Variants in GRIP1 observed in about 807,000 individuals in gnomAD.
GRIP1 encodes the protein glutamate receptor-interacting protein 1.
A neutral mutation model predicts 129.9 loss-of-function variants in GRIP1; 45 were observed. The observed-to-expected ratio is 0.35, with a 90% CI of 0.27 to 0.44. The LOEUF is 0.44. GRIP1 is among the 20% of genes least tolerant of loss of function. The pLI, the probability that GRIP1 is intolerant of heterozygous loss-of-function variation, is 1.00. For missense variants in GRIP1, 1,196 were observed against 1,396.8 expected (o/e 0.86, Z 2.29); for synonymous variants, 530 against 520.8 (o/e 1.02, Z -0.24).
chr12:67,041,777 A>T (rs1226602899), intron 1 of GRIP1, among the ~76,000 whole-genome samples: 1 of 152,080 alleles, frequency 6.6e-6, no homozygotes, highest in Non-Finnish European at 1.5e-5. Context: ...GGACAAAAAA[A>T]AAAACAACCC....
intron 1 of GRIP1, among the ~76,000 whole-genome samples, chr12:67,024,343 G>A (rs1484567035): frequency 6.6e-6 from 1 of 152,122 alleles, no homozygotes; most frequent in Non-Finnish European, 1.5e-5. Flanking sequence ...GATCTGCGGA[G>A]GGAGGACAGA....
rs2040468072 is a variant in GRIP1, at chr12:66,880,993, TG to T, written c.58+188056del. Among the ~76,000 whole-genome samples, 3 of 151,138 alleles carry T rather than the reference TG, an allele frequency of 2.0e-5. 1 individual carries two copies. The South Asian group carries it at 6.2e-4, about 31-fold the overall frequency. On this transcript the variant is annotated intron_variant, in intron 1 of 1. Transcript: ENST00000643019. ...TCAGGTAGAATTTCTGTTACTCTTC[TG>T]TTTTTTTTTTTTCCTCTCTTTCAAA...
At chr12:67,000,168 T>C (rs1041442675) in intron 1 of GRIP1, among the ~76,000 whole-genome samples, 2 of 152,154 alleles carry the variant, frequency 1.3e-5, no homozygotes, top group African/African-American at 4.8e-5. Flanking sequence ...CATCTCTTTC[T>C]CTTCTCAGGG....
chr12:66,887,487 G>A (rs1215366914), intron 1 of GRIP1, among the ~76,000 whole-genome samples: 1 of 152,180 alleles, frequency 6.6e-6, no homozygotes, highest in African/African-American at 2.4e-5. Context: ...GCCTATTAAT[G>A]TTAGTACTGT....
intron 1 of GRIP1, among the ~76,000 whole-genome samples, chr12:66,748,536 A>T (rs549924619): frequency 6.6e-6 from 1 of 152,200 alleles, no homozygotes; most frequent in Non-Finnish European, 1.5e-5. Context: ...GCATGTATCT[A>T]TCGTAAGTTC....
At chr12:66,940,688 G>T (rs966657703) in intron 1 of GRIP1, among the ~76,000 whole-genome samples, 3 of 152,120 alleles carry the variant, frequency 2.0e-5, no homozygotes, top group Non-Finnish European at 4.4e-5. Context: ...AATCATCAGG[G>T]TCATTACAGA....
intron 1 of GRIP1, among the ~76,000 whole-genome samples, chr12:66,818,904 C>A (rs1437964994): frequency 6.6e-6 from 1 of 152,062 alleles, no homozygotes; most frequent in Non-Finnish European, 1.5e-5. Flanking sequence ...TAGAGAAGAG[C>A]CTTGGTTTAC....
intron 2 of GRIP1, among the ~76,000 whole-genome samples, chr12:66,543,367 G>A (rs2061846941): frequency 1.3e-5 from 2 of 152,160 alleles, no homozygotes; most frequent in Admixed American, 6.5e-5. Context: ...AGGAGTCTGA[G>A]CGTGTATGAT....
chr12:66,973,648 G>T (rs1484973452), intron 1 of GRIP1, among the ~76,000 whole-genome samples: 3 of 151,954 alleles, frequency 2.0e-5, no homozygotes, highest in Non-Finnish European at 4.4e-5. Flanking sequence ...AGATAATTCT[G>T]TTACCTCAAA....
At chr12:66,361,908 C>T (rs1408177178) in intron 23 of GRIP1, among the ~76,000 whole-genome samples, 2 of 152,134 alleles carry the variant, frequency 1.3e-5, no homozygotes, top group Non-Finnish European at 2.9e-5. Context: ...CTCCACCCAC[C>T]CTCGGGGCCT....
chr12:66,927,277 A>G (rs1300677879), intron 1 of GRIP1, among the ~76,000 whole-genome samples: 1 of 152,128 alleles, frequency 6.6e-6, no homozygotes, highest in Non-Finnish European at 1.5e-5. Context: ...TCCAAGAAAT[A>G]TTACTTCAAT....
chr12:66,360,022 A>C (rs1367734696), intron 23 of GRIP1, among the ~76,000 whole-genome samples: 1 of 152,142 alleles, frequency 6.6e-6, no homozygotes, highest in Non-Finnish European at 1.5e-5. Flanking sequence ...TGATCTTACA[A>C]CACCTCTGGG....
At chr12:66,584,409 A>T (rs1260374411) in intron 2 of GRIP1, among the ~76,000 whole-genome samples, 4 of 141,758 alleles carry the variant, frequency 2.8e-5, no homozygotes, top group African/African-American at 1.2e-4. Flanking sequence ...AAGTATAATA[A>T]AAAAAAATAC....
chr12:66,458,612 C>T (rs948046498), intron 9 of GRIP1, among the ~76,000 whole-genome samples: 4 of 152,020 alleles, frequency 2.6e-5, no homozygotes, highest in African/African-American at 9.7e-5. Flanking sequence ...CTCAAACTCC[C>T]GACCTCAGGT....
intron 1 of GRIP1, among the ~76,000 whole-genome samples, chr12:66,816,106 C>T (rs1021830401): frequency 6.6e-6 from 1 of 152,040 alleles, no homozygotes; most frequent in African/African-American, 2.4e-5. Context: ...TAAGTTGCAC[C>T]TGTCACTTCT....
chr12:66,946,523 G>A (rs949279429), intron 1 of GRIP1, among the ~76,000 whole-genome samples: 3 of 151,940 alleles, frequency 2.0e-5, no homozygotes, highest in Admixed American at 6.6e-5. Flanking sequence ...GGTACCAGGA[G>A]TGTATTATTC....
chr12:66,747,856 T>C (rs1045250514), intron 1 of GRIP1, among the ~76,000 whole-genome samples: 3 of 152,216 alleles, frequency 2.0e-5, no homozygotes, highest in Non-Finnish European at 4.4e-5. Flanking sequence ...AAAGATGAGT[T>C]ACATAATACA....
intron 1 of GRIP1, among the ~76,000 whole-genome samples, chr12:66,608,131 G>T (rs1343343054): frequency 6.6e-6 from 1 of 152,134 alleles, no homozygotes; most frequent in East Asian, 1.9e-4. Flanking sequence ...TGCTGGATCA[G>T]GCAATAGCAG....
intron 7 of GRIP1, among the ~76,000 whole-genome samples, chr12:66,474,199 G>A (rs890697047): frequency 9.2e-5 from 14 of 151,836 alleles, no homozygotes; most frequent in African/African-American, 3.4e-4. Flanking sequence ...AGTATCAATA[G>A]CCAAACTGAT....
Sources: allele counts gnomAD v4.1 joint callset (sites outside exome capture counted in the v4.1 genomes callset), GRCh38; gene constraint gnomAD v4.1.1; transcripts MANE v1.5; gene names NCBI Gene and HGNC (gene_info 2026-07-23, HGNC 2026-07-21).